SYNPR: variants seen among roughly 807,000 people sequenced by gnomAD.
SYNPR encodes synaptoporin.
In SYNPR, 23 loss-of-function variants were observed where a neutral mutation model predicts 32.9. The observed-to-expected ratio is 0.70, with a 90% CI of 0.50 to 0.99. The LOEUF is 0.99. Ranked by LOEUF, SYNPR falls within the 50% of genes least tolerant of loss-of-function variation. The probability of loss-of-function intolerance (pLI) is 0.00; values close to 1 mark genes in which losing one functional copy is unlikely to be tolerated. For missense variants in SYNPR, 318 were observed against 349.3 expected (o/e 0.91, Z 0.71); for synonymous variants, 146 against 135.9 (o/e 1.07, Z -0.52).
At chr3:63,535,116 G>C (rs1012232111) in intron 3 of SYNPR, among the ~76,000 whole-genome samples, 2 of 152,060 alleles carry the variant, frequency 1.3e-5, no homozygotes, top group Admixed American at 1.3e-4. Context: ...CAGAATTAAA[G>C]TAAAGAAAAT....
intron 3 of SYNPR, among the ~76,000 whole-genome samples, chr3:63,271,206 T>G (rs1676872565): frequency 6.6e-6 from 1 of 152,154 alleles, no homozygotes; most frequent in Non-Finnish European, 1.5e-5. Context: ...TAATTTTAGG[T>G]ATTGGATTCA....
At chr3:63,244,199 G>A (rs1362343158) in intron 1 of SYNPR, among the ~76,000 whole-genome samples, 2 of 152,052 alleles carry the variant, frequency 1.3e-5, no homozygotes, top group African/African-American at 4.8e-5. Flanking sequence ...TGGAGGTAGA[G>A]ACCAACCTGA....
chr3:63,261,364 C>G (rs1281776469), intron 2 of SYNPR, among the ~76,000 whole-genome samples: 1 of 151,786 alleles, frequency 6.6e-6, no homozygotes, highest in East Asian at 1.9e-4. Context: ...GGCACATATA[C>G]ACCATGGGAT....
intron 2 of SYNPR, among the ~76,000 whole-genome samples, chr3:63,373,474 C>A (rs2087845970): frequency 6.6e-6 from 1 of 152,128 alleles, no homozygotes; most frequent in African/African-American, 2.4e-5. Context: ...GCTGAGGAAA[C>A]AATCTCAGAG....
At chr3:63,604,261 G>T (rs1379503762) in intron 4 of SYNPR, among the ~76,000 whole-genome samples, 2 of 152,134 alleles carry the variant, frequency 1.3e-5, no homozygotes, top group Non-Finnish European at 2.9e-5. Flanking sequence ...CTAGCTACCA[G>T]TCTATCTGTC....
intron 2 of SYNPR, among the ~76,000 whole-genome samples, chr3:63,391,767 G>T (rs896948234): frequency 6.6e-6 from 1 of 152,192 alleles, no homozygotes; most frequent in Admixed American, 6.5e-5. Context: ...CAGACTGAGA[G>T]GTGGACCCAG....
intron 2 of SYNPR, among the ~76,000 whole-genome samples, chr3:63,310,321 G>A (rs2086951287): frequency 6.6e-6 from 1 of 151,980 alleles, no homozygotes; most frequent in African/African-American, 2.4e-5. Context: ...ACATATGAGG[G>A]AATTTATTGG....
intron 4 of SYNPR, among the ~76,000 whole-genome samples, chr3:63,565,363 C>A (rs1359125022): frequency 6.6e-6 from 1 of 152,164 alleles, no homozygotes; most frequent in African/African-American, 2.4e-5. Flanking sequence ...AGTCCAAGAT[C>A]AAGTTTCCAG....
chr3:63,564,106 A>G (rs904837721), intron 4 of SYNPR, among the ~76,000 whole-genome samples: 23 of 151,932 alleles, frequency 1.5e-4, no homozygotes, highest in African/African-American at 4.6e-4. Flanking sequence ...TTGAAGCCCC[A>G]AAAGTGTGTA....
At position 63,595,847 on chromosome 3, in the gene SYNPR, TTATATATATATAGTTA is replaced by T. The variant is rs1559546449; in HGVS notation, c.409-13267_409-13252del. On this transcript the variant is annotated intron_variant, in intron 4 of 5. Coordinates refer to ENST00000478300, the MANE Select transcript of SYNPR (RefSeq NM_001130003.2). ...TATATATATAGTTATATATATAGTT[TTATATATATATAGTTA>T]TATATATATAATTTTATATATATAT... 7.6e-4 allele frequency among the ~76,000 whole-genome samples: 58 copies of T among 76,630 alleles called. 2 individuals carry two copies. The highest frequency in any genetic ancestry group is 2.8e-3 in the African/African-American group (54 of 19,168). 50.3% of individuals were successfully genotyped at this position (76,630 alleles called of 152,430 possible).
intron 2 of SYNPR, among the ~76,000 whole-genome samples, chr3:63,381,332 A>T (rs1575617410): frequency 6.6e-6 from 1 of 152,324 alleles, no homozygotes; most frequent in East Asian, 1.9e-4. Flanking sequence ...AATGCCTAGG[A>T]ATCCAACTTA....
intron 4 of SYNPR, among the ~76,000 whole-genome samples, chr3:63,578,908 C>T (rs1373798854): frequency 6.6e-6 from 1 of 152,004 alleles, no homozygotes; most frequent in African/African-American, 2.4e-5. Flanking sequence ...AGAGTTGGGC[C>T]CCCAACTACC....
chr3:63,569,920 G>A (rs1261698936), intron 4 of SYNPR, among the ~76,000 whole-genome samples: 1 of 152,168 alleles, frequency 6.6e-6, no homozygotes, highest in African/African-American at 2.4e-5. Context: ...CAGCAAAAGT[G>A]GTAATAGTCT....
chr3:63,566,322 C>A (rs1281372635), intron 4 of SYNPR, among the ~76,000 whole-genome samples: 1 of 152,132 alleles, frequency 6.6e-6, no homozygotes, highest in East Asian at 1.9e-4. Flanking sequence ...ATTATTTTTG[C>A]TAATTCATCT....
At chr3:63,204,662 C>CTT in the SYNPR span, among the ~76,000 whole-genome samples, 1 of 151,976 alleles carries the variant, frequency 6.6e-6, no homozygotes, top group Non-Finnish European at 1.5e-5. Context: ...CACCTAAGAT[C>CTT]TTTGCAAATA....
rs150251873 is a variant in SYNPR at position 63,615,229 on chromosome 3, T to C, written c.606T>C (p.Phe202=). Residue 202 remains phenylalanine, a synonymous_variant, in exon 6 of 6, where the codon TTT becomes TTC. Coordinates refer to ENST00000478300, the MANE Select transcript of SYNPR (RefSeq NM_001130003.2). Reference sequence around the variant, plus strand: ...TGGCTTTGATTCTCCTTCAGGTCTTTGGATTCTTGAACTTTATTCTCTGGG... The same window carrying C: ...TGGCTTTGATTCTCCTTCAGGTCTTCGGATTCTTGAACTTTATTCTCTGGG... The part of the protein sequence containing the change: ...VMSSLNTSVV[F]GFLNFILWAG... The C allele has an allele frequency of 1.0e-3, 1,642 of 1,613,492 alleles. 21 individuals carry two copies. The highest frequency in any genetic ancestry group is 9.3e-3 in the South Asian group (847 of 90,992).
chr3:63,435,311 T>C (rs1700062013), intron 2 of SYNPR, among the ~76,000 whole-genome samples: 2 of 152,160 alleles, frequency 1.3e-5, no homozygotes, highest in African/African-American at 4.8e-5. Flanking sequence ...GTAGATCAGG[T>C]TGAATGATAA....
chr3:63,490,510 G>C (rs1337225448), intron 3 of SYNPR, among the ~76,000 whole-genome samples: 1 of 152,048 alleles, frequency 6.6e-6, no homozygotes, highest in Non-Finnish European at 1.5e-5. Flanking sequence ...GGAAAAGATG[G>C]TGGTGGGTTG....
In SYNPR at chr3:63,609,209, G is replaced by A; in HGVS notation, c.493G>A (p.Ala165Thr). Residue 165 changes from alanine to threonine, a missense_variant, in exon 5 of 6, where the codon GCA (alanine) becomes ACA (threonine). Ala to Thr is a moderately conservative substitution (Grantham distance 58). Coordinates refer to ENST00000478300, the MANE Select transcript of SYNPR (RefSeq NM_001130003.2). ...AAAAGGACTGTCTGACGTCAAAGTT[G>A]CAACGGATCCCAAGGAAGTATTGCT... ...WAKGLSDVKV[A>T]TDPKEVLLLM... The A allele has an allele frequency of 6.2e-7, 1 of 1,610,378 alleles. No homozygotes were observed. Among genetic ancestry groups the A allele is most frequent in the Non-Finnish European group, 8.5e-7 (1 of 1,178,246 alleles).
Sources: allele counts gnomAD v4.1 joint callset (sites outside exome capture counted in the v4.1 genomes callset), GRCh38; gene constraint gnomAD v4.1.1; transcripts MANE v1.5; gene names NCBI Gene and HGNC (gene_info 2026-07-23, HGNC 2026-07-21).